Variants in SCAPER observed in about 807,000 individuals in gnomAD.
SCAPER encodes S-phase cyclin A associated protein in the ER.
Under a neutral mutation model 182.2 loss-of-function variants are expected in SCAPER, and 98 were observed. The ratio of observed to expected loss-of-function variants is 0.54; its 90% CI spans 0.46 to 0.64. The LOEUF (loss-of-function observed/expected upper bound fraction) is 0.64, where lower values mean the gene tolerates loss of function less well. Among genes scored for constraint, SCAPER ranks in the 30% least tolerant of loss-of-function variants. The pLI is 0.00. For missense variants in SCAPER, 1,432 were observed against 1,690.0 expected, an observed-to-expected ratio of 0.85 and a Z score of 2.68; for synonymous variants, 605 against 564.6, an observed-to-expected ratio of 1.07 and a Z score of -1.01.
chr15:76,518,768 C>T (rs950519216), intron 23 of SCAPER, among the ~76,000 whole-genome samples: 3 of 152,214 alleles, frequency 2.0e-5, no homozygotes, highest in African/African-American at 7.2e-5. Flanking sequence ...TTAATCTATA[C>T]TTTGATCATG....
chr15:76,587,211 G>A (rs1200845677), intron 22 of SCAPER, among the ~76,000 whole-genome samples: 4 of 151,952 alleles, frequency 2.6e-5, no homozygotes, highest in Non-Finnish European at 5.9e-5. Context: ...ATGGTCTGTT[G>A]ATTTTATTTA....
At chr15:76,491,990 T>C (rs1370107400) in intron 24 of SCAPER, among the ~76,000 whole-genome samples, 2 of 152,196 alleles carry the variant, frequency 1.3e-5, no homozygotes, top group African/African-American at 4.8e-5. Context: ...GTAGTTTTAG[T>C]GTGTATTTCT....
intron 5 of SCAPER, among the ~76,000 whole-genome samples, chr15:76,806,284 T>C (rs1027800056): frequency 1.3e-5 from 2 of 152,236 alleles, no homozygotes; most frequent in South Asian, 4.1e-4. Flanking sequence ...AACACCACTG[T>C]TGAAAATACT....
intron 26 of SCAPER, among the ~76,000 whole-genome samples, chr15:76,428,443 T>G (rs964816933): frequency 1.1e-4 from 17 of 152,202 alleles, no homozygotes; most frequent in African/African-American, 4.1e-4. Context: ...AATCTTTCTT[T>G]TTTACAACAT....
rs559728161 is a variant in SCAPER, at chr15:76,502,526, A to G, written c.2954+2333T>C. Among the ~76,000 whole-genome samples the G allele has an allele frequency of 2.1e-3, 317 of 151,974 alleles. 3 individuals are homozygous for G. Among genetic ancestry groups the G allele is most frequent in the African/African-American group, 7.2e-3 (300 of 41,438 alleles). On this transcript the variant is annotated intron_variant, in intron 24 of 31. Coordinates refer to ENST00000563290, the MANE Select transcript of SCAPER (RefSeq NM_020843.4). ...TCATAGGTGGGAATTGAACAATGAG[A>G]ACACTTGGACACAGGGTGGGGAACA...
At chr15:76,660,098 G>A (rs2056007543) in intron 21 of SCAPER, among the ~76,000 whole-genome samples, 1 of 152,204 alleles carries the variant, frequency 6.6e-6, no homozygotes, top group South Asian at 2.1e-4. Flanking sequence ...CAGCAATATG[G>A]ATGAAGCTGG....
intron 20 of SCAPER, among the ~76,000 whole-genome samples, chr15:76,698,152 T>C (rs2058748406): frequency 6.6e-6 from 1 of 151,924 alleles, no homozygotes; most frequent in African/African-American, 2.4e-5. Context: ...ACGATTTGAG[T>C]AAAAGGCAGA....
chr15:76,710,860 CTG>C (rs1263923016), intron 17 of SCAPER, among the ~76,000 whole-genome samples: 1 of 152,060 alleles, frequency 6.6e-6, no homozygotes, highest in Non-Finnish European at 1.5e-5. Flanking sequence ...GTAATTAAAA[CTG>C]TAGTACTGTC....
intron 27 of SCAPER, among the ~76,000 whole-genome samples, chr15:76,391,016 C>T (rs2043655879): frequency 6.6e-6 from 1 of 152,210 alleles, no homozygotes. Flanking sequence ...GGCTTCCACT[C>T]ACACTTAAGA....
At chr15:76,699,114 T>C (rs1258050119) in intron 20 of SCAPER, among the ~76,000 whole-genome samples, 8 of 152,230 alleles carry the variant, frequency 5.3e-5, no homozygotes, top group Non-Finnish European at 2.9e-5. Context: ...ACATTCATTT[T>C]GTGTCCTGAA....
chr15:76,692,551 T>C (rs1001700560), intron 20 of SCAPER, among the ~76,000 whole-genome samples: 2 of 151,324 alleles, frequency 1.3e-5, no homozygotes, highest in African/African-American at 2.4e-5. Flanking sequence ...TAGCTGAATA[T>C]GGAGGTGCAT....
At position 76,547,959 on chromosome 15, in the gene SCAPER, G is replaced by A. The variant is rs868665187; in HGVS notation, c.2838+26199C>T. On this transcript the variant is annotated intron_variant, in intron 23 of 31. Transcript: ENST00000563290. ...GAAAATGTCTATTGCTGTTTTGATT[G>A]AATCTTACTTATGATTTAAGTTATG... Among the ~76,000 whole-genome samples the A allele has an allele frequency of 1.4e-4, 21 of 152,082 alleles. No homozygotes were observed. In the Middle Eastern group the frequency reaches 0.024, roughly 172 times the overall value.
chr15:76,523,427 T>C (rs930484475), intron 23 of SCAPER, among the ~76,000 whole-genome samples: 3 of 152,060 alleles, frequency 2.0e-5, no homozygotes, highest in Non-Finnish European at 4.4e-5. Context: ...GATTGTCCTT[T>C]ATGTAAATCT....
intron 20 of SCAPER, among the ~76,000 whole-genome samples, chr15:76,693,428 T>C (rs1598200363): frequency 6.6e-6 from 1 of 152,238 alleles, no homozygotes; most frequent in Non-Finnish European, 1.5e-5. Flanking sequence ...TTGTAGGGCA[T>C]TCCTCAAAAA....
chr15:76,364,259 A>G (rs2041658202), intron 29 of SCAPER, among the ~76,000 whole-genome samples: 1 of 152,080 alleles, frequency 6.6e-6, no homozygotes, highest in African/African-American at 2.4e-5. Flanking sequence ...TTGGCAGACC[A>G]TGTGGGAAGT....
At chr15:76,497,356 T>C (rs952771985) in intron 24 of SCAPER, among the ~76,000 whole-genome samples, 5 of 152,106 alleles carry the variant, frequency 3.3e-5, no homozygotes, top group African/African-American at 9.7e-5. Flanking sequence ...TGTAGATTGG[T>C]TGCTCTTGAG....
At chr15:76,804,932 TA>T (rs1213106554) in intron 5 of SCAPER, among the ~76,000 whole-genome samples, 1 of 152,120 alleles carries the variant, frequency 6.6e-6, no homozygotes, top group East Asian at 1.9e-4. Flanking sequence ...ACACTAAACA[TA>T]AATCCAGCTG....
chr15:76,890,794 G>A (rs1398280805), intron 1 of SCAPER, among the ~76,000 whole-genome samples: 1 of 152,200 alleles, frequency 6.6e-6, no homozygotes, highest in African/African-American at 2.4e-5. Context: ...TAGAAGAAGA[G>A]GGAATCCTCC....
At chr15:76,855,981 T>A in intron 4 of SCAPER, 1 of 220,062 alleles carries the variant, frequency 4.5e-6, no homozygotes, top group Admixed American at 4.3e-5. Context: ...GAATGTTCAC[T>A]GCAGCACTAT....
Sources: allele counts gnomAD v4.1 joint callset (sites outside exome capture counted in the v4.1 genomes callset), GRCh38; gene constraint gnomAD v4.1.1; transcripts MANE v1.5; gene names NCBI Gene and HGNC (gene_info 2026-07-23, HGNC 2026-07-21).